DYNC1LI1: variants seen among roughly 807,000 people sequenced by gnomAD.
DYNC1LI1 encodes the protein cytoplasmic dynein 1 light intermediate chain 1.
Under a neutral mutation model 63.8 loss-of-function variants are expected in DYNC1LI1, and 19 were observed. The observed-to-expected ratio is 0.30, with a 90% CI of 0.21 to 0.44. The LOEUF is 0.44. Ranked by LOEUF, DYNC1LI1 falls within the 20% of genes least tolerant of loss-of-function variation. The pLI is 1.00. For missense variants in DYNC1LI1, 565 were observed against 630.2 expected, an observed-to-expected ratio of 0.90 and a Z score of 1.11; for synonymous variants, 225 against 232.3, an observed-to-expected ratio of 0.97 and a Z score of 0.28.
Position 32,549,683 on chromosome 3 carries a change from T to G in DYNC1LI1, c.221-3718A>C, listed in dbSNP as rs569324975. ...AACTACATATAATATGACCCAGGATTTATCTTATTTCTTTAATTCCCACTT... is the reference window on the plus strand; with the variant it reads ...AACTACATATAATATGACCCAGGATGTATCTTATTTCTTTAATTCCCACTT... On this transcript the variant is annotated intron_variant, in intron 2 of 12. Transcript: ENST00000273130. Among the ~76,000 whole-genome samples the G allele has an allele frequency of 2.3e-4, 35 of 152,240 alleles. No individual in the cohort carries two copies. In the South Asian group the frequency reaches 4.6e-3, roughly 20 times the overall value.
intron 2 of DYNC1LI1, among the ~76,000 whole-genome samples, chr3:32,550,217 A>G (rs918421903): frequency 2.1e-4 from 32 of 152,302 alleles, no homozygotes; most frequent in African/African-American, 7.2e-4. Flanking sequence ...GGATCACCTT[A>G]AGTCGGGAGT....
intron 4 of DYNC1LI1, among the ~76,000 whole-genome samples, chr3:32,542,474 T>A (rs908554459): frequency 6.8e-6 from 1 of 147,960 alleles, no homozygotes; most frequent in Admixed American, 7.0e-5. Flanking sequence ...AGTGGCGCAA[T>A]CTCACTCACT....
intron 7 of DYNC1LI1, among the ~76,000 whole-genome samples, chr3:32,533,877 CT>C (rs57075516): frequency 2.9e-3 from 373 of 130,436 alleles, no homozygotes; most frequent in African/African-American, 6.8e-3. Context: ...AGGTAACTTT[CT>C]TTTTTTTTTT....
At chr3:32,527,430 C>A (rs1474579597) in intron 12 of DYNC1LI1, among the ~76,000 whole-genome samples, 2 of 150,542 alleles carry the variant, frequency 1.3e-5, no homozygotes, top group Non-Finnish European at 3.0e-5. Flanking sequence ...AGGCATAGGA[C>A]AATAAGAACG....
chr3:32,532,225 G>C (rs1697707378), intron 8 of DYNC1LI1: 1 of 152,064 alleles, frequency 6.6e-6, no homozygotes, highest in African/African-American at 2.4e-5. Context: ...CAGCACTTTG[G>C]GAGGCCGAGG....
rs59037467 is a variant in DYNC1LI1, at chr3:32,561,002, C to CAAAAAAAAA, written c.220+9335_220+9343dup. ...GGGCAACAAGAGCAAAACTCCGTCT[C>CAAAAAAAAA]AAAAAAAAAAAAAAAAAAAAAAAAA... On this transcript the variant is annotated intron_variant, in intron 2 of 12. Coordinates refer to ENST00000273130, the MANE Select transcript of DYNC1LI1 (RefSeq NM_016141.4). Among the ~76,000 whole-genome samples the CAAAAAAAAA allele has an allele frequency of 5.0e-4, 13 of 26,122 alleles. 1 individual carries two copies. Among genetic ancestry groups the CAAAAAAAAA allele is most frequent in the East Asian group, 7.4e-4 (1 of 1,354 alleles). The allele number at this position is 26,122 out of a possible 152,430, so 17.1% of individuals were successfully genotyped here.
At chr3:32,559,061 T>TG (rs2125444129) in intron 2 of DYNC1LI1, among the ~76,000 whole-genome samples, 1 of 149,946 alleles carries the variant, frequency 6.7e-6, no homozygotes, top group East Asian at 1.9e-4. Context: ...ACTACTACTT[T>TG]TTTTTTTTTT....
At chr3:32,534,030 C>A (rs893984790) in intron 7 of DYNC1LI1, among the ~76,000 whole-genome samples, 7 of 152,006 alleles carry the variant, frequency 4.6e-5, no homozygotes, top group Admixed American at 4.6e-4. Flanking sequence ...GTGTGCACCA[C>A]CACACCCGGG....
intron 3 of DYNC1LI1, 96 bp from the exon 4 acceptor site, chr3:32,545,202 G>A: frequency 1.3e-6 from 1 of 788,452 alleles, no homozygotes; most frequent in Non-Finnish European, 2.1e-6. Context: ...CATCTCCACA[G>A]GAGATGTGCT....
intron 2 of DYNC1LI1, among the ~76,000 whole-genome samples, chr3:32,559,006 T>A (rs1008523235): frequency 6.6e-6 from 1 of 151,862 alleles, no homozygotes; most frequent in African/African-American, 2.4e-5. Flanking sequence ...GATCAGACCA[T>A]CTCTATAGTG....
At chr3:32,537,280 A>G in intron 5 of DYNC1LI1, 176 bp from the exon 6 acceptor site, 1 of 369,776 alleles carries the variant, frequency 2.7e-6, no homozygotes, top group Non-Finnish European at 4.8e-6. Flanking sequence ...TGGAGGGACT[A>G]ATGGATAATT....
intron 7 of DYNC1LI1, among the ~76,000 whole-genome samples, chr3:32,533,543 A>G (rs910800423): frequency 2.0e-5 from 3 of 149,524 alleles, no homozygotes; most frequent in African/African-American, 7.4e-5. Flanking sequence ...AGTAATTATT[A>G]CCTCCCAATT....
At chr3:32,530,189 G>A in intron 10 of DYNC1LI1, 95 bp downstream of exon 10, 2 of 991,020 alleles carry the variant, frequency 2.0e-6, no homozygotes, top group Non-Finnish European at 2.9e-6. Flanking sequence ...TTATATCAAA[G>A]CACACCCATA....
chr3:32,558,417 A>G (rs1170133582), intron 2 of DYNC1LI1, among the ~76,000 whole-genome samples: 1 of 150,948 alleles, frequency 6.6e-6, no homozygotes, highest in African/African-American at 2.4e-5. Flanking sequence ...AAAAAAAAAA[A>G]AAAAAAAAGA....
intron 2 of DYNC1LI1, among the ~76,000 whole-genome samples, chr3:32,550,675 A>C (rs934861957): frequency 2.0e-5 from 3 of 152,342 alleles, no homozygotes; most frequent in African/African-American, 7.2e-5. Flanking sequence ...AGGATTTGTT[A>C]TAAGGTATCA....
Position 32,570,828 on chromosome 3 carries a change from G to C in DYNC1LI1, c.-58C>G. 2 of 1,558,148 alleles carry C rather than the reference G, an allele frequency of 1.3e-6. No individual in the cohort carries two copies. Among genetic ancestry groups the C allele is most frequent in the South Asian group, 1.2e-5 (1 of 85,456 alleles). ...CTAAATGTGCGAGGCGGCTGAGGCG[G>C]TGGCGGTGGAGGCGGCGGGAACCCG... On this transcript the variant is annotated 5_prime_UTR_variant, in exon 1 of 13. Coordinates refer to ENST00000273130, the MANE Select transcript of DYNC1LI1 (RefSeq NM_016141.4).
intron 6 of DYNC1LI1, among the ~76,000 whole-genome samples, chr3:32,535,973 C>G (rs1241821185): frequency 6.6e-6 from 1 of 152,084 alleles, no homozygotes; most frequent in South Asian, 2.1e-4. Context: ...CTACAGATAC[C>G]TACACTACAA....
chr3:32,526,926 A>G lies in DYNC1LI1; in HGVS notation c.1463-18T>C. On this transcript the variant is annotated intron_variant, in intron 12 of 12. Coordinates refer to ENST00000273130, the MANE Select transcript of DYNC1LI1 (RefSeq NM_016141.4). ...CTTCTGGCCTACATTGAAGAAAAAG[A>G]AAAAAAACAAGATTTAGATATAAGT... 2 of 1,551,192 alleles carry G rather than the reference A, an allele frequency of 1.3e-6. No homozygotes were observed. The highest frequency in any genetic ancestry group is 1.8e-6 in the Non-Finnish European group (2 of 1,131,204).
chr3:32,528,767 A>T (rs1456000716), intron 11 of DYNC1LI1, among the ~76,000 whole-genome samples, 166 bp from the exon 12 acceptor site: 1 of 152,206 alleles, frequency 6.6e-6, no homozygotes, highest in East Asian at 1.9e-4. Context: ...AATTTCTCTA[A>T]TGAGTAAACT....
Sources: allele counts gnomAD v4.1 joint callset (sites outside exome capture counted in the v4.1 genomes callset), GRCh38; gene constraint gnomAD v4.1.1; transcripts MANE v1.5; gene names NCBI Gene and HGNC (gene_info 2026-07-23, HGNC 2026-07-21).